The following LRBA variants were observed in gnomAD, a reference collection of about 807,000 sequenced individuals.
LRBA encodes lipopolysaccharide-responsive and beige-like anchor protein.
Under a neutral mutation model 330.0 loss-of-function variants are expected in LRBA, and 176 were observed. That is an observed-to-expected ratio of 0.53 (90% CI 0.47 to 0.60). The LOEUF is 0.60. LRBA is among the 20% of genes least tolerant of loss of function. LRBA has a pLI of 0.00. For missense variants in LRBA, 3,259 were observed against 3,444.8 expected, an observed-to-expected ratio of 0.95 and a Z score of 1.35; for synonymous variants, 1,230 against 1,193.0, an observed-to-expected ratio of 1.03 and a Z score of -0.64.
In LRBA at chr4:150,447,819, C is replaced by A. The variant is rs1752802598; in HGVS notation, c.6781-10955G>T. ...GAATACAAAGTTTTATAAACTACCT[C>A]ATTCTGGTAATAGATGGCAAAACTA... On this transcript the variant is annotated intron_variant, in intron 44 of 56. Transcript: ENST00000651943. Among the ~76,000 whole-genome samples the A allele has an allele frequency of 2.0e-5, 3 of 152,202 alleles. No individual in the cohort carries two copies. The South Asian group carries it at 6.2e-4, about 31-fold the overall frequency.
chr4:150,574,743 G>T (rs1166520604), intron 40 of LRBA, among the ~76,000 whole-genome samples: 1 of 151,948 alleles, frequency 6.6e-6, no homozygotes, highest in Non-Finnish European at 1.5e-5. Context: ...TATTCGTAGA[G>T]CATTTAACCA....
At chr4:150,993,980 G>C (rs183092953) in intron 2 of LRBA, among the ~76,000 whole-genome samples, 36 of 150,968 alleles carry the variant, frequency 2.4e-4, no homozygotes, top group Admixed American at 9.9e-4. Context: ...CAGGAGAATT[G>C]CCTGAACCTG....
At chr4:150,503,204 A>C (rs1288880100) in intron 40 of LRBA, among the ~76,000 whole-genome samples, 1 of 152,192 alleles carries the variant, frequency 6.6e-6, no homozygotes, top group South Asian at 2.1e-4. Flanking sequence ...TGAAGAGAGT[A>C]GTGGTTCTCC....
intron 47 of LRBA, among the ~76,000 whole-genome samples, chr4:150,380,830 A>T (rs1338297434): frequency 1.3e-5 from 2 of 151,684 alleles, no homozygotes; most frequent in African/African-American, 4.8e-5. Context: ...ACAAAAAAAA[A>T]AATTAGCCAG....
rs1243562680 is a variant in LRBA, at chr4:150,933,000, T to C, written c.217-3935A>G. Among the ~76,000 whole-genome samples the C allele has an allele frequency of 2.6e-5, 4 of 152,128 alleles. No homozygotes were observed. The East Asian group carries it at 7.7e-4, about 29-fold the overall frequency. On this transcript the variant is annotated intron_variant, in intron 2 of 56. Transcript: ENST00000651943. ...ATTTTTGAAACAGCAATCAAACTAC[T>C]AGAAATGTATATTATAGACACATTT...
chr4:150,314,682 G>A (rs966569264), intron 51 of LRBA: 14 of 152,162 alleles, frequency 9.2e-5, no homozygotes, highest in African/African-American at 3.4e-4. Context: ...AGGTAGGCAA[G>A]TAAGTTTTTA....
intron 2 of LRBA, among the ~76,000 whole-genome samples, chr4:150,991,094 GGAAGAGGAGGAT>G (rs1050807374): frequency 4.3e-4 from 65 of 150,198 alleles, no homozygotes; most frequent in African/African-American, 1.5e-3. Flanking sequence ...AAAAAGAGGA[GGAAGAGGAGGAT>G]GAAGAGGAGG....
chr4:150,642,802 G>A (rs916706832), intron 37 of LRBA, among the ~76,000 whole-genome samples: 1 of 151,774 alleles, frequency 6.6e-6, no homozygotes. Flanking sequence ...TGAAGTAGAT[G>A]TTTTATATAG....
intron 49 of LRBA, among the ~76,000 whole-genome samples, chr4:150,322,572 A>T (rs1351043930): frequency 1.3e-5 from 2 of 152,222 alleles, no homozygotes; most frequent in East Asian, 1.9e-4. Flanking sequence ...GTAATAAAAA[A>T]TTAAATACAT....
chr4:150,843,941 TTC>T (rs904582507), intron 28 of LRBA, among the ~76,000 whole-genome samples, 157 bp downstream of exon 28: 19 of 152,206 alleles, frequency 1.2e-4, no homozygotes, highest in Non-Finnish European at 2.1e-4. Flanking sequence ...TTTTCTAATA[TTC>T]TGTTTCTAAA....
intron 36 of LRBA, among the ~76,000 whole-genome samples, chr4:150,699,637 G>A (rs910708499): frequency 2.0e-5 from 3 of 152,104 alleles, no homozygotes; most frequent in Non-Finnish European, 4.4e-5. Context: ...TCAGAGTAAT[G>A]GGTACATTAG....
chr4:150,893,219 T>C (rs896775925), intron 16 of LRBA, 70 bp from the exon 17 acceptor site: 1 of 763,360 alleles, frequency 1.3e-6, no homozygotes, highest in Non-Finnish European at 2.2e-6. Context: ...TGAATACTTC[T>C]GAAATAGAAA....
chr4:150,531,071 C>T (rs1764011060), intron 40 of LRBA, among the ~76,000 whole-genome samples: 2 of 152,206 alleles, frequency 1.3e-5, no homozygotes, highest in South Asian at 4.1e-4. Flanking sequence ...TCTTGTATAT[C>T]CATTTGTTTA....
intron 50 of LRBA, among the ~76,000 whole-genome samples, chr4:150,319,189 G>A (rs745946751): frequency 2.0e-5 from 3 of 151,702 alleles, no homozygotes; most frequent in South Asian, 2.1e-4. Context: ...CTCAGTTCCC[G>A]TTGAGCCAGC....
At chr4:150,276,293 G>A (rs949423638) in intron 56 of LRBA, among the ~76,000 whole-genome samples, 24 of 152,110 alleles carry the variant, frequency 1.6e-4, no homozygotes, top group African/African-American at 5.8e-4. Context: ...CAAGATGGAT[G>A]AAAGACTTAA....
chr4:150,455,025 G>T (rs1403866208), intron 44 of LRBA, among the ~76,000 whole-genome samples: 1 of 150,062 alleles, frequency 6.7e-6, no homozygotes, highest in African/African-American at 2.5e-5. Context: ...TGCACATTGT[G>T]CAGGTTAGTT....
At chr4:150,364,354 T>C (rs976777126) in intron 47 of LRBA, among the ~76,000 whole-genome samples, 2 of 152,250 alleles carry the variant, frequency 1.3e-5, no homozygotes, top group Non-Finnish European at 2.9e-5. Context: ...AATAATCCTA[T>C]AAGCACCACA....
chr4:150,645,951 A>G (rs891661390), intron 37 of LRBA, among the ~76,000 whole-genome samples: 14 of 149,130 alleles, frequency 9.4e-5, no homozygotes, highest in African/African-American at 3.0e-4. Context: ...AATTGTACTC[A>G]ATAGATATAT....
chr4:150,981,877 G>A (rs1207501440), intron 2 of LRBA, among the ~76,000 whole-genome samples: 9 of 151,274 alleles, frequency 5.9e-5, no homozygotes, highest in Non-Finnish European at 1.0e-4. Context: ...GCAGGAGAAC[G>A]GTGTGAACCC....
Sources: allele counts gnomAD v4.1 joint callset (sites outside exome capture counted in the v4.1 genomes callset), GRCh38; gene constraint gnomAD v4.1.1; transcripts MANE v1.5; gene names NCBI Gene and HGNC (gene_info 2026-07-23, HGNC 2026-07-21).